The following MICU2 variants were observed in gnomAD, a reference collection of about 807,000 sequenced individuals.
MICU2 encodes the protein calcium uptake protein 2, mitochondrial.
MICU2 carries 64 observed loss-of-function variants against 60.4 expected under a neutral mutation model. The observed-to-expected ratio is 1.06, with a 90% confidence interval of 0.87 to 1.31. The LOEUF (loss-of-function observed/expected upper bound fraction) is 1.31. MICU2 is among the 50% of genes most tolerant of loss of function. MICU2 has a pLI of 0.00. For missense variants in MICU2, 569 were observed against 531.0 expected, an observed-to-expected ratio of 1.07 and a Z score of -0.70; for synonymous variants, 201 against 175.0, an observed-to-expected ratio of 1.15 and a Z score of -1.17.
At chr13:21,577,341 T>G (rs957266757) in intron 1 of MICU2, among the ~76,000 whole-genome samples, 1 of 151,984 alleles carries the variant, frequency 6.6e-6, no homozygotes, top group African/African-American at 2.4e-5. Context: ...CCTTTTTAAT[T>G]TGGCTAACTT....
At chr13:21,540,786 G>A (rs1010442116) in intron 2 of MICU2, among the ~76,000 whole-genome samples, 3 of 152,062 alleles carry the variant, frequency 2.0e-5, no homozygotes, top group Non-Finnish European at 4.4e-5. Flanking sequence ...GTTAGGTGTT[G>A]TTATAGTATC....
At chr13:21,499,393 C>T (rs1188647649) in intron 9 of MICU2, among the ~76,000 whole-genome samples, 1 of 151,786 alleles carries the variant, frequency 6.6e-6, no homozygotes, top group Non-Finnish European at 1.5e-5. Flanking sequence ...TGTGCGAGAC[C>T]GTTCTCCATG....
intron 2 of MICU2, among the ~76,000 whole-genome samples, chr13:21,543,699 C>T (rs960310471): frequency 4.6e-5 from 7 of 152,166 alleles, no homozygotes; most frequent in African/African-American, 1.7e-4. Flanking sequence ...ATCCCCGGCT[C>T]GTGGATCAGA....
chr13:21,514,385 T>A lies in MICU2; in HGVS notation c.631A>T (p.Met211Leu). The change falls in exon 7 of 12, where the codon ATG becomes TTG. Residue 211 changes from methionine to leucine, a missense_variant. Coordinates refer to ENST00000382374, the MANE Select transcript of MICU2 (RefSeq NM_152726.3). ...QKIISKQDDL[M>L]TVKTNETGYQ... ...CCAGTTTCATTAGTTTTCACTGTCA[T>A]CAAGTCATCTTGTTTACTTATGATC... The A allele has an allele frequency of 6.2e-7, 1 of 1,613,626 alleles. No individual in the cohort carries two copies. Among genetic ancestry groups the A allele is most frequent in the Non-Finnish European group, 8.5e-7 (1 of 1,179,768 alleles).
At chr13:21,512,699 T>A (rs1886462559) in intron 7 of MICU2, among the ~76,000 whole-genome samples, 1 of 152,176 alleles carries the variant, frequency 6.6e-6, no homozygotes, top group African/African-American at 2.4e-5. Flanking sequence ...TCTGCCCACC[T>A]CCGCCTCCCA....
chr13:21,523,051 G>A (rs561546876), intron 4 of MICU2, among the ~76,000 whole-genome samples: 1 of 152,192 alleles, frequency 6.6e-6, no homozygotes, highest in African/African-American at 2.4e-5. Context: ...GCAGAGGAAG[G>A]AGAAATTCAC....
chr13:21,548,962 T>C (rs556543176), intron 2 of MICU2, among the ~76,000 whole-genome samples: 1 of 144,892 alleles, frequency 6.9e-6, no homozygotes, highest in South Asian at 2.4e-4. Flanking sequence ...AGTCTCCTTC[T>C]GTCACCCAGG....
chr13:21,574,032 T>G (rs1888172169), intron 1 of MICU2, among the ~76,000 whole-genome samples: 1 of 152,168 alleles, frequency 6.6e-6, no homozygotes, highest in African/African-American at 2.4e-5. Context: ...GTGTATACAG[T>G]TACATATAAA....
chr13:21,512,479 G>A (rs1199945), intron 7 of MICU2, among the ~76,000 whole-genome samples: 24,929 of 133,990 alleles, frequency 0.19, 2,741 homozygotes, highest in African/African-American at 0.33. Flanking sequence ...ACGGAGTCTC[G>A]CTCTGTTGCC....
intron 4 of MICU2, among the ~76,000 whole-genome samples, chr13:21,532,177 A>G (rs1369201054): frequency 6.6e-6 from 1 of 152,250 alleles, no homozygotes; most frequent in Non-Finnish European, 1.5e-5. Flanking sequence ...TTTTTCTTCT[A>G]TCTGAAGAGT....
intron 6 of MICU2, 29 bp from the exon 7 acceptor site, chr13:21,514,447 T>C: frequency 1.9e-6 from 3 of 1,571,478 alleles, no homozygotes; most frequent in Non-Finnish European, 2.6e-6. Context: ...TGAGTTTACA[T>C]GTGTGCCTAC....
intron 1 of MICU2, among the ~76,000 whole-genome samples, chr13:21,582,178 AG>A (rs935876423): frequency 2.6e-5 from 4 of 152,192 alleles, no homozygotes; most frequent in Non-Finnish European, 1.5e-5. Flanking sequence ...AGTCTCCAAA[AG>A]GGCCTGGACA....
At chr13:21,549,423 T>C (rs1001740392) in intron 2 of MICU2, among the ~76,000 whole-genome samples, 1 of 152,146 alleles carries the variant, frequency 6.6e-6, no homozygotes, top group African/African-American at 2.4e-5. Context: ...AATTTTCAAA[T>C]TTAAGATTCA....
intron 1 of MICU2, among the ~76,000 whole-genome samples, chr13:21,579,489 C>T (rs559728999): frequency 1.4e-4 from 21 of 151,940 alleles, no homozygotes; most frequent in Non-Finnish European, 2.2e-4. Flanking sequence ...TACAGGCTCC[C>T]GCCACCACGC....
chr13:21,603,890 G>C, intron 1 of MICU2, 49 bp downstream of exon 1: 2 of 1,595,888 alleles, frequency 1.3e-6, no homozygotes, highest in Non-Finnish European at 1.7e-6. Context: ...AAGGGCGTCA[G>C]GGGAGGGAGG....
At chr13:21,520,936 CAT>C (rs1886702868) in intron 6 of MICU2, among the ~76,000 whole-genome samples, 1 of 152,026 alleles carries the variant, frequency 6.6e-6, no homozygotes, top group Non-Finnish European at 1.5e-5. Context: ...CATATCAACA[CAT>C]ATTCTTTAAA....
chr13:21,540,698 T>G (rs757701997), intron 2 of MICU2, among the ~76,000 whole-genome samples: 1 of 152,168 alleles, frequency 6.6e-6, no homozygotes, highest in Non-Finnish European at 1.5e-5. Flanking sequence ...AGCTTAGGTG[T>G]TGTTATTTTG....
At chr13:21,556,017 A>T (rs961321392) in intron 2 of MICU2, among the ~76,000 whole-genome samples, 1 of 152,140 alleles carries the variant, frequency 6.6e-6, no homozygotes, top group Non-Finnish European at 1.5e-5. Flanking sequence ...CTACCAACAC[A>T]TATTAAAAGA....
In MICU2 at chr13:21,529,986, G is replaced by T. The variant is rs569856015; in HGVS notation, c.467-7336C>A. Among the ~76,000 whole-genome samples, 5 of 152,244 alleles carry T rather than the reference G, an allele frequency of 3.3e-5. No homozygotes were observed. In the East Asian group the frequency reaches 9.7e-4, roughly 29 times the overall value. Reference sequence around the variant, plus strand: ...GTATAGAAAAGTCTAAGTTAAGGGTGGCCAGCATTTGGATGAATGGTGAGA... The same window carrying T: ...GTATAGAAAAGTCTAAGTTAAGGGTTGCCAGCATTTGGATGAATGGTGAGA... On this transcript the variant is annotated intron_variant, in intron 4 of 11. Transcript: ENST00000382374.
Sources: gnomAD v4.1 joint callset for allele counts (sites outside exome capture counted in the v4.1 genomes callset) on GRCh38, gnomAD v4.1.1 for gene constraint, MANE v1.5 for transcripts, NCBI Gene and HGNC (gene_info 2026-07-23, HGNC 2026-07-21) for gene names.